Variants in ZCCHC8 observed in about 807,000 individuals in gnomAD.
ZCCHC8 encodes the protein zinc finger CCHC domain-containing protein 8.
In ZCCHC8, 27 loss-of-function variants were observed where a neutral mutation model predicts 70.6. That is an observed-to-expected ratio of 0.38 (90% CI 0.28 to 0.53). The LOEUF is 0.53. Ranked by LOEUF, ZCCHC8 falls within the 20% of genes least tolerant of loss-of-function variation. The probability of loss-of-function intolerance (pLI) is 0.81; values close to 1 mark genes in which losing one functional copy is unlikely to be tolerated. For missense variants in ZCCHC8, 737 were observed against 876.9 expected, an observed-to-expected ratio of 0.84 and a Z score of 2.01; for synonymous variants, 293 against 317.4, an observed-to-expected ratio of 0.92 and a Z score of 0.82.
At chr12:122,498,025 A>G (rs184660754) in intron 2 of ZCCHC8, among the ~76,000 whole-genome samples, 155 of 149,694 alleles carry the variant, frequency 1.0e-3, no homozygotes, top group African/African-American at 3.6e-3. Flanking sequence ...AGATGCCTAA[A>G]TGCAAATCTA....
intron 2 of ZCCHC8, among the ~76,000 whole-genome samples, chr12:122,498,192 CTT>C (rs1957858546): frequency 7.9e-6 from 1 of 126,736 alleles, no homozygotes; most frequent in Admixed American, 9.2e-5. Flanking sequence ...GAGTTTCGCT[CTT>C]GTCACTCTCA....
chr12:122,496,420 C>G (rs1328608085), intron 2 of ZCCHC8, among the ~76,000 whole-genome samples: 6 of 151,948 alleles, frequency 3.9e-5, no homozygotes, highest in Non-Finnish European at 7.4e-5. Context: ...CTATATGATG[C>G]GGTAATCGTT....
rs895030581 is a variant in ZCCHC8, at chr12:122,500,213, C to T, written c.199+429G>A. ...CTAGCGTTTGCCCCGGTATAAAAAC[C>T]GATCCCGCGTCTAAGCAGCCGGTAT... On this transcript the variant is annotated intron_variant, in intron 1 of 13. Transcript: ENST00000633063. This position sits in a 1 kb window ranked among gnomAD's most constrained non-coding sequence, Gnocchi z 4.8. The T allele has an allele frequency of 1.2e-5, 2 of 171,148 alleles. No homozygotes were observed. The highest frequency in any genetic ancestry group is 2.4e-5 in the African/African-American group (1 of 41,656). The allele number at this position is 171,148 out of a possible 1,614,324, so 10.6% of individuals were successfully genotyped here. A position where few individuals can be genotyped will look rare whatever the true frequency, so the allele number is the denominator to read the frequency against.
intron 5 of ZCCHC8, among the ~76,000 whole-genome samples, chr12:122,486,243 T>C (rs563628495): frequency 1.3e-5 from 2 of 151,630 alleles, no homozygotes; most frequent in African/African-American, 2.4e-5. Context: ...TGAAACCCCA[T>C]CTCTACTAAA....
intron 13 of ZCCHC8, among the ~76,000 whole-genome samples, chr12:122,474,837 C>G (rs538260906): frequency 6.7e-6 from 1 of 149,814 alleles, no homozygotes; most frequent in South Asian, 2.1e-4. Flanking sequence ...TGGGTTCAAG[C>G]AATTCTCCTG....
At chr12:122,484,828 C>T (rs1474654566) in intron 5 of ZCCHC8, among the ~76,000 whole-genome samples, 1 of 152,160 alleles carries the variant, frequency 6.6e-6, no homozygotes, top group East Asian at 1.9e-4. Context: ...ACAGTTCTCA[C>T]TCTTCATCTT....
In ZCCHC8 at chr12:122,483,717, G is replaced by A. The variant is rs542092718; in HGVS notation, c.502-154C>T. On this transcript the variant is annotated intron_variant, in intron 5 of 13. Coordinates refer to ENST00000633063, the MANE Select transcript of ZCCHC8 (RefSeq NM_017612.5). This position sits in a 1 kb window ranked among gnomAD's most constrained non-coding sequence, Gnocchi z 4.4. ...TTATTAAGGAGCCAGACTTTGATGT[G>A]TAAGTAGAAACTACATCGTCAGTTC... 4.5e-6 allele frequency: 3 copies of A among 659,882 alleles called. No homozygotes were observed. The highest frequency in any genetic ancestry group is 2.9e-5 in the Admixed American group (1 of 34,412). 40.9% of individuals were successfully genotyped at this position (659,882 alleles called of 1,614,324 possible). A position where few individuals can be genotyped will look rare whatever the true frequency, so the allele number is the denominator to read the frequency against.
At chr12:122,477,251 T>C (rs1400944560) in intron 13 of ZCCHC8, among the ~76,000 whole-genome samples, 1 of 145,874 alleles carries the variant, frequency 6.9e-6, no homozygotes, top group Non-Finnish European at 1.5e-5. Context: ...ACCTCCCTGG[T>C]TCATGCCATT....
At chr12:122,485,571 G>A (rs959505945) in intron 5 of ZCCHC8, among the ~76,000 whole-genome samples, 5 of 152,084 alleles carry the variant, frequency 3.3e-5, no homozygotes, top group African/African-American at 1.2e-4. Context: ...GCGTGTGAGT[G>A]GCATCTCAAA....
rs561013467 is a variant in ZCCHC8, at chr12:122,489,802, T to C, written c.424-339A>G. On this transcript the variant is annotated intron_variant, in intron 4 of 13. Transcript: ENST00000633063. ...AAGTTTCCTTGAATCAAAAATAATA[T>C]TCAGTATGAATTTTATTGTTAAATG... Among the ~76,000 whole-genome samples, 95 of 152,258 alleles carry C rather than the reference T, an allele frequency of 6.2e-4. No individual in the cohort carries two copies. The South Asian group carries it at 0.017, about 27-fold the overall frequency.
rs772602978 is a variant in ZCCHC8, at chr12:122,474,003, C to T, written c.1618G>A (p.Asp540Asn). ...ALEQAESVNSDSDVPVDTPLT... is the reference protein window; with the variant it reads ...ALEQAESVNSNSDVPVDTPLT... Reference sequence around the variant, plus strand: ...GGTGTGTCCACAGGAACGTCGGAGTCGCTGTTTACGCTCTCGGCCTGCTCA... The same window carrying T: ...GGTGTGTCCACAGGAACGTCGGAGTTGCTGTTTACGCTCTCGGCCTGCTCA... The change falls in exon 14 of 14, where the codon GAC (aspartate) becomes AAC (asparagine). Residue 540 changes from aspartate (D) to asparagine (N), a missense_variant. Asp to Asn is a conservative substitution (Grantham distance 23). Coordinates refer to ENST00000633063, the MANE Select transcript of ZCCHC8 (RefSeq NM_017612.5). 2.5e-5 allele frequency: 39 copies of T among 1,566,852 alleles called. No homozygotes were observed. The highest frequency in any genetic ancestry group is 1.3e-4 in the East Asian group (6 of 44,556).
rs957314304 is a variant in ZCCHC8 at position 122,500,455 on chromosome 12, G to A, written c.199+187C>T. The A allele has an allele frequency of 5.3e-6, 4 of 753,910 alleles. No homozygotes were observed. In the African/African-American group the frequency reaches 7.1e-5, roughly 13 times the overall value. The allele number at this position is 753,910 out of a possible 1,614,324, so 46.7% of individuals were successfully genotyped here. ...CCTGAGGGGAAGAGGTCTGCGCCGA[G>A]GCAGCCTGCGCGCCCCGAACCCTAG... On this transcript the variant is annotated intron_variant, in intron 1 of 13. Transcript: ENST00000633063. The surrounding 1 kb of genome is among the most constrained non-coding windows in gnomAD (Gnocchi z 4.8).
intron 4 of ZCCHC8, 91 bp downstream of exon 4, chr12:122,490,371 T>C: frequency 1.0e-6 from 1 of 1,000,822 alleles, no homozygotes; most frequent in African/African-American, 1.6e-5. Context: ...GTTAATCATT[T>C]TGGTTTTGAT....
At chr12:122,488,988 ACTT>A (rs777000519) in intron 5 of ZCCHC8, among the ~76,000 whole-genome samples, 53 of 152,326 alleles carry the variant, frequency 3.5e-4, no homozygotes, top group African/African-American at 1.1e-3. Flanking sequence ...ATCCCTGTTA[ACTT>A]CTTCTGTTTT....
intron 4 of ZCCHC8, among the ~76,000 whole-genome samples, chr12:122,490,193 C>A (rs1236124338): frequency 6.6e-6 from 1 of 151,992 alleles, no homozygotes; most frequent in African/African-American, 2.4e-5. Context: ...TTTTATAAAC[C>A]CCAGAAACTT....
chr12:122,485,485 C>T (rs1957615589), intron 5 of ZCCHC8, among the ~76,000 whole-genome samples: 1 of 152,054 alleles, frequency 6.6e-6, no homozygotes, highest in Non-Finnish European at 1.5e-5. Context: ...TATATGTTCT[C>T]CTTTACGGTC....
intron 2 of ZCCHC8, among the ~76,000 whole-genome samples, chr12:122,495,663 C>T (rs1487266989): frequency 6.6e-6 from 1 of 151,966 alleles, no homozygotes; most frequent in African/African-American, 2.4e-5. Context: ...GCCTGACCAA[C>T]ATGGTGAAAC....
intron 3 of ZCCHC8, among the ~76,000 whole-genome samples, chr12:122,491,529 CAAAA>C (rs555175551): frequency 1.6e-5 from 1 of 63,358 alleles, no homozygotes; most frequent in Non-Finnish European, 3.5e-5. Context: ...AACTCCATCT[CAAAA>C]AAAAAAAAAA....
In ZCCHC8 at chr12:122,473,891, G is replaced by A. The variant is rs748005137; in HGVS notation, c.1730C>T (p.Thr577Met). ...CTCTGGTACCTCAGGCTCATCCAGC[G>A]TCTGCTTTTCAGATGTTTTTCCCTC... is the stretch of plus-strand genomic sequence containing the variant. ...VPEGKTSEKQ[T>M]LDEPEVPEIF... The change falls in exon 14 of 14, where the codon ACG becomes ATG. Residue 577 changes from threonine to methionine, a missense_variant. Physicochemically the swap from Thr to Met is moderately conservative, Grantham distance 81 (BLOSUM62 -1). Transcript: ENST00000633063. The A allele has an allele frequency of 1.4e-5, 23 of 1,613,860 alleles. No homozygotes were observed. The highest frequency in any genetic ancestry group is 2.2e-5 in the East Asian group (1 of 44,882).
Sources: gnomAD v4.1 joint callset for allele counts (sites outside exome capture counted in the v4.1 genomes callset) on GRCh38, gnomAD v4.1.1 for gene constraint, Gnocchi (gnomAD v3.1) non-coding constraint, MANE v1.5 for transcripts, NCBI Gene and HGNC (gene_info 2026-07-23, HGNC 2026-07-21) for gene names.